Variants in GABRB1 observed in about 807,000 individuals in gnomAD.
The protein encoded by GABRB1 is gamma-aminobutyric acid type A receptor subunit beta1.
In GABRB1, 17 loss-of-function variants were observed where a neutral mutation model predicts 51.6. The ratio of observed to expected loss-of-function variants is 0.33; its 90% CI spans 0.23 to 0.49. The LOEUF is 0.49. GABRB1 is among the 20% of genes least tolerant of loss of function. The probability of loss-of-function intolerance (pLI) is 0.99; values close to 1 mark genes in which losing one functional copy is unlikely to be tolerated. For synonymous variants in GABRB1, 247 were observed against 218.9 expected (o/e 1.13, Z -1.14); for missense variants, 410 against 600.6 (o/e 0.68, Z 3.32).
At position 47,276,328 on chromosome 4, in the gene GABRB1, T is replaced by C. The variant is rs112129044; in HGVS notation, c.462-43799T>C. On this transcript the variant is annotated intron_variant, in intron 4 of 8. Coordinates refer to ENST00000295454, the MANE Select transcript of GABRB1 (RefSeq NM_000812.4). ...TACAATAATTATGTCTAGCATTATA[T>C]TGAGCTGCAAAGAATTTTATGTTTT... Among the ~76,000 whole-genome samples the C allele has an allele frequency of 4.9e-3, 746 of 152,268 alleles. 13 individuals are homozygous for C. The highest frequency in any genetic ancestry group is 0.017 in the African/African-American group (705 of 41,562).
intron 4 of GABRB1, among the ~76,000 whole-genome samples, chr4:47,255,489 A>G (rs534547387): frequency 1.3e-5 from 2 of 152,380 alleles, no homozygotes; most frequent in South Asian, 2.1e-4. Context: ...TTTGTTATCA[A>G]TAAATCTACA....
chr4:47,242,384 TC>T, intron 4 of GABRB1, among the ~76,000 whole-genome samples: 1 of 152,344 alleles, frequency 6.6e-6, no homozygotes, highest in African/African-American at 2.4e-5. Flanking sequence ...TGATTTATAA[TC>T]CTTTGAGTAT....
intron 3 of GABRB1, among the ~76,000 whole-genome samples, chr4:47,040,975 G>A (rs1560507395): frequency 6.6e-6 from 1 of 152,142 alleles, no homozygotes; most frequent in Non-Finnish European, 1.5e-5. Flanking sequence ...GGAAATAGAT[G>A]TGTGGGAAAC....
At chr4:47,356,707 T>C (rs537013671) in intron 5 of GABRB1, among the ~76,000 whole-genome samples, 1 of 152,304 alleles carries the variant, frequency 6.6e-6, no homozygotes, top group East Asian at 1.9e-4. Context: ...TTTGGTTATT[T>C]TCAAACGGTC....
intron 3 of GABRB1, among the ~76,000 whole-genome samples, chr4:47,140,764 T>G (rs992324): frequency 0.044 from 6,271 of 142,272 alleles, 200 homozygotes; most frequent in Non-Finnish European, 0.061. Context: ...TTGTTTTTTG[T>G]TTTTTTTTTT....
At chr4:47,274,820 C>T (rs1723019995) in intron 4 of GABRB1, among the ~76,000 whole-genome samples, 1 of 152,084 alleles carries the variant, frequency 6.6e-6, no homozygotes, top group African/African-American at 2.4e-5. Context: ...GTGTCTCAGC[C>T]CCAGTGCTGC....
At chr4:47,342,920 T>C (rs1374258726) in intron 5 of GABRB1, among the ~76,000 whole-genome samples, 1 of 152,108 alleles carries the variant, frequency 6.6e-6, no homozygotes, top group Non-Finnish European at 1.5e-5. Context: ...TTTATGGCAC[T>C]ATGGAAAGCA....
rs2110055241 is a variant in GABRB1, at chr4:47,406,930, A to C, written c.1080+4A>C. On this transcript the variant is annotated splice_donor_region_variant and intron_variant, in intron 8 of 8. Transcript: ENST00000295454. ...ACTGGAGATGAATAAAGTCCAGGTA[A>C]GATATTAAATATTCCTAACAATATT... 1 of 1,612,906 alleles carries C rather than the reference A, an allele frequency of 6.2e-7. No individual in the cohort carries two copies. The highest frequency in any genetic ancestry group is 2.2e-5 in the East Asian group (1 of 44,890).
At chr4:47,030,175 A>G (rs935784441), upstream of GABRB1, among the ~76,000 whole-genome samples, 1 of 152,108 alleles carries the variant, frequency 6.6e-6, no homozygotes, top group Admixed American at 6.6e-5. Flanking sequence ...CCATTTATCT[A>G]GGTCATATTT....
intron 4 of GABRB1, among the ~76,000 whole-genome samples, chr4:47,250,584 C>G (rs1721948212): frequency 6.6e-6 from 1 of 152,144 alleles, no homozygotes; most frequent in African/African-American, 2.4e-5. Flanking sequence ...CTCTGGAACA[C>G]TGGTTAGTGT....
chr4:47,380,519 G>A lies in GABRB1; in HGVS notation c.545-22799G>A, dbSNP rs150443985. On this transcript the variant is annotated intron_variant, in intron 5 of 8. Transcript: ENST00000295454. The stretch of plus-strand genomic sequence containing the variant: ...CTTTAATTAGCACTATGGGATGTGG[G>A]TGATAAAGAATTTTTCTAGTACAAT... 3.3e-3 allele frequency among the ~76,000 whole-genome samples: 500 copies of A among 152,224 alleles called. 7 individuals carry two copies. Among genetic ancestry groups the A allele is most frequent in the African/African-American group, 0.011 (457 of 41,542 alleles).
At chr4:47,178,490 T>C (rs1448574947) in intron 4 of GABRB1, among the ~76,000 whole-genome samples, 1 of 152,090 alleles carries the variant, frequency 6.6e-6, no homozygotes, top group Non-Finnish European at 1.5e-5. Flanking sequence ...ACTTTTGTCA[T>C]TGGATTAGTG....
At chr4:47,316,580 T>C (rs1423391638) in intron 4 of GABRB1, among the ~76,000 whole-genome samples, 1 of 151,960 alleles carries the variant, frequency 6.6e-6, no homozygotes, top group Non-Finnish European at 1.5e-5. Context: ...AAGATCACTA[T>C]ATTAACTTGT....
chr4:47,062,753 C>G (rs1386974708), intron 3 of GABRB1, among the ~76,000 whole-genome samples: 1 of 152,110 alleles, frequency 6.6e-6, no homozygotes, highest in Non-Finnish European at 1.5e-5. Flanking sequence ...CTCTTAAACT[C>G]TCTGTTTTGA....
chr4:47,213,104 T>A (rs549751669), intron 4 of GABRB1, among the ~76,000 whole-genome samples: 1 of 152,218 alleles, frequency 6.6e-6, no homozygotes, highest in Non-Finnish European at 1.5e-5. Flanking sequence ...CACTTCCCAA[T>A]ATAAATTAGA....
intron 3 of GABRB1, among the ~76,000 whole-genome samples, chr4:47,068,747 T>G (rs2079953198): frequency 6.6e-6 from 1 of 152,064 alleles, no homozygotes; most frequent in African/African-American, 2.4e-5. Context: ...GATATAATAA[T>G]CATGAAAACA....
intron 1 of GABRB1, among the ~76,000 whole-genome samples, chr4:47,024,181 A>G (rs1211969350): frequency 6.6e-6 from 1 of 151,292 alleles, no homozygotes; most frequent in Non-Finnish European, 1.5e-5. Flanking sequence ...CTTGTTGTGT[A>G]CTCTTGGATG....
intron 3 of GABRB1, among the ~76,000 whole-genome samples, chr4:47,118,837 C>G (rs1192330316): frequency 1.3e-5 from 2 of 152,088 alleles, no homozygotes; most frequent in African/African-American, 4.8e-5. Flanking sequence ...TGATGCATTT[C>G]TAAATGAAAC....
chr4:47,253,570 G>C (rs1485047999), intron 4 of GABRB1, among the ~76,000 whole-genome samples: 1 of 152,100 alleles, frequency 6.6e-6, no homozygotes, highest in East Asian at 1.9e-4. Context: ...CCTTTCCAAT[G>C]GTCTAATATA....
Sources: gnomAD v4.1 joint callset for allele counts (sites outside exome capture counted in the v4.1 genomes callset) on GRCh38, gnomAD v4.1.1 for gene constraint, MANE v1.5 for transcripts, NCBI Gene and HGNC (gene_info 2026-07-23, HGNC 2026-07-21) for gene names.